Variants in NTM observed in about 807,000 individuals in gnomAD.
NTM encodes neurotrimin, also known as IgLON family member 2.
A neutral mutation model predicts 42.1 loss-of-function variants in NTM; 13 were observed. That is an observed-to-expected ratio of 0.31 (90% confidence interval 0.20 to 0.49). The LOEUF (loss-of-function observed/expected upper bound fraction) is 0.49, where lower values mean the gene tolerates loss of function less well. Ranked by LOEUF, NTM falls within the 20% of genes least tolerant of loss-of-function variation. The probability of loss-of-function intolerance (pLI) is 0.99; values close to 1 mark genes in which losing one functional copy is unlikely to be tolerated. For missense variants in NTM, 373 were observed against 452.8 expected, an observed-to-expected ratio of 0.82 and a Z score of 1.60; for synonymous variants, 187 against 179.2, an observed-to-expected ratio of 1.04 and a Z score of -0.35.
intron 2 of NTM, among the ~76,000 whole-genome samples, chr11:131,990,849 T>C (rs2135105269): frequency 6.6e-6 from 1 of 152,284 alleles, no homozygotes; most frequent in East Asian, 1.9e-4. Context: ...TAAACTATTT[T>C]CCACATATAT....
At chr11:132,311,153 T>A (rs1424145414) in intron 6 of NTM, among the ~76,000 whole-genome samples, 2 of 152,152 alleles carry the variant, frequency 1.3e-5, no homozygotes, top group Non-Finnish European at 1.5e-5. Context: ...CAGGAGCAAG[T>A]GAATGGCCGC....
At chr11:132,118,424 G>T (rs778934378) in intron 2 of NTM, among the ~76,000 whole-genome samples, 1 of 152,212 alleles carries the variant, frequency 6.6e-6, no homozygotes, top group African/African-American at 2.4e-5. Flanking sequence ...CATCTCTCCT[G>T]TGCAGATGGC....
chr11:131,512,430 G>T lies in NTM; in HGVS notation c.82+141542G>T, dbSNP rs187746623. ...AGGCAGGGGCTGTCCTCAAACCAGA[G>T]CCTGGAGACAGGCCCATGTGATCTC... On this transcript the variant is annotated intron_variant, in intron 1 of 8. Transcript: ENST00000683400. Among the ~76,000 whole-genome samples, 466 of 152,266 alleles carry T rather than the reference G, an allele frequency of 3.1e-3. 3 individuals carry two copies. The highest frequency in any genetic ancestry group is 0.011 in the African/African-American group (443 of 41,536).
At chr11:132,314,909 C>A in intron 7 of NTM, 1 of 1,345,352 alleles carries the variant, frequency 7.4e-7, no homozygotes, top group Non-Finnish European at 9.5e-7. Flanking sequence ...AGAGAAAGAA[C>A]AAGAGATACA....
intron 8 of NTM, among the ~76,000 whole-genome samples, chr11:132,331,624 ACT>A (rs749800992): frequency 6.6e-6 from 1 of 152,120 alleles, no homozygotes; most frequent in African/African-American, 2.4e-5. Flanking sequence ...TGAGATACAG[ACT>A]CTGCTCTTAA....
At chr11:131,697,085 C>T (rs6590590) in intron 1 of NTM, among the ~76,000 whole-genome samples, 16,255 of 152,122 alleles carry the variant, frequency 0.11, 2,852 homozygotes, top group African/African-American at 0.36. Context: ...GCTGGGGGCA[C>T]GGTGGAATTG....
chr11:132,056,189 C>T (rs1258213156), intron 2 of NTM, among the ~76,000 whole-genome samples: 1 of 152,134 alleles, frequency 6.6e-6, no homozygotes, highest in Non-Finnish European at 1.5e-5. Context: ...AAATACCAAA[C>T]CATGACTGTA....
intron 1 of NTM, among the ~76,000 whole-genome samples, chr11:131,487,435 T>G (rs1954295276): frequency 6.6e-6 from 1 of 152,198 alleles, no homozygotes; most frequent in Admixed American, 6.5e-5. Context: ...GCTAATTGAT[T>G]GGTTAAAGGT....
At chr11:131,424,119 TTGAC>T (rs1947812829) in intron 1 of NTM, among the ~76,000 whole-genome samples, 1 of 152,182 alleles carries the variant, frequency 6.6e-6, no homozygotes, top group Non-Finnish European at 1.5e-5. Flanking sequence ...AGGCGTTCCT[TTGAC>T]TGACGTTATG....
intron 1 of NTM, among the ~76,000 whole-genome samples, chr11:131,658,177 T>C (rs917337624): frequency 6.6e-6 from 1 of 152,180 alleles, no homozygotes; most frequent in African/African-American, 2.4e-5. Flanking sequence ...TTTCTTCCAT[T>C]CTGTCCACCG....
intron 2 of NTM, among the ~76,000 whole-genome samples, chr11:131,976,150 T>TCCTC (rs1224795961): frequency 1.4e-5 from 2 of 147,686 alleles, no homozygotes; most frequent in African/African-American, 2.5e-5. Context: ...CTTCCTTCCT[T>TCCTC]CCTTCCTTTC....
At chr11:131,762,135 T>G (rs2084312574) in intron 1 of NTM, among the ~76,000 whole-genome samples, 2 of 152,232 alleles carry the variant, frequency 1.3e-5, no homozygotes, top group South Asian at 4.1e-4. Context: ...GGTTCATTTG[T>G]TATCAAAGCC....
At chr11:131,597,753 G>A (rs765794865) in intron 1 of NTM, among the ~76,000 whole-genome samples, 2 of 152,204 alleles carry the variant, frequency 1.3e-5, no homozygotes, top group South Asian at 2.1e-4. Context: ...ATTTCCTACC[G>A]TCGGTCTGTG....
At chr11:131,761,024 C>A (rs146412880) in intron 1 of NTM, among the ~76,000 whole-genome samples, 127 of 152,138 alleles carry the variant, frequency 8.3e-4, no homozygotes, top group African/African-American at 3.0e-3. Context: ...GCCAAAACCA[C>A]CGGGATGGAG....
chr11:132,298,448 T>C (rs183369215), intron 4 of NTM, among the ~76,000 whole-genome samples: 2 of 152,242 alleles, frequency 1.3e-5, no homozygotes, highest in Admixed American at 1.3e-4. Flanking sequence ...TCACGCGTAA[T>C]AGAGGGTCTG....
At chr11:132,030,247 A>T (rs551661743) in intron 2 of NTM, among the ~76,000 whole-genome samples, 5 of 152,014 alleles carry the variant, frequency 3.3e-5, no homozygotes, top group African/African-American at 4.8e-5. Context: ...CACCTACTCC[A>T]CCTAAAATAA....
chr11:131,503,857 T>G (rs1209663521), intron 1 of NTM, among the ~76,000 whole-genome samples: 2 of 152,194 alleles, frequency 1.3e-5, no homozygotes, highest in South Asian at 2.1e-4. Context: ...TGTGCGTGTT[T>G]CTTTAATCCA....
At position 131,671,536 on chromosome 11, in the gene NTM, G is replaced by T. The variant is rs543239983; in HGVS notation, c.83-240028G>T. 760 of 981,268 alleles carry T rather than the reference G, an allele frequency of 7.7e-4. 1 individual carries two copies. Among genetic ancestry groups the T allele is most frequent in the Non-Finnish European group, 8.8e-4 (729 of 829,508 alleles). The allele number at this position is 981,268 out of a possible 1,614,324, so 60.8% of individuals were successfully genotyped here. Reference sequence around the variant, plus strand: ...CGGTGGCTGCCCTCACCCTCCTCTGGGCTGGCAGGGCCTACCGGTGGCTAC... The same window carrying T: ...CGGTGGCTGCCCTCACCCTCCTCTGTGCTGGCAGGGCCTACCGGTGGCTAC... On this transcript the variant is annotated intron_variant, in intron 1 of 8. Transcript: ENST00000683400.
chr11:131,866,034 T>C (rs1456212339), intron 1 of NTM, among the ~76,000 whole-genome samples: 1 of 133,514 alleles, frequency 7.5e-6, no homozygotes, highest in East Asian at 2.3e-4. Context: ...ACATGCTACA[T>C]ACACACATGC....
Sources: allele counts gnomAD v4.1 joint callset (sites outside exome capture counted in the v4.1 genomes callset), GRCh38; gene constraint gnomAD v4.1.1; transcripts MANE v1.5; gene names NCBI Gene and HGNC (gene_info 2026-07-23, HGNC 2026-07-21).